Variants in LOC400499 observed in about 807,000 individuals in gnomAD.
chr16:11,384,721 G>T, the LOC400499 span, among the ~76,000 whole-genome samples: 1 of 152,220 alleles, frequency 6.6e-6, no homozygotes, highest in Admixed American at 6.5e-5. Flanking sequence ...GGGGTCAATG[G>T]CATGAGGCTA....
At chr16:11,431,250 G>A in the LOC400499 span, 4 of 399,030 alleles carry the variant, frequency 1.0e-5, no homozygotes, top group East Asian at 7.1e-5. Flanking sequence ...AAGTAAGGGG[G>A]TTAAGATCAT....
the LOC400499 span, among the ~76,000 whole-genome samples, chr16:11,490,767 T>C: frequency 9.8e-5 from 15 of 152,320 alleles, no homozygotes; most frequent in South Asian, 2.1e-4. Flanking sequence ...TGAGAGGCTA[T>C]TGTTAAGGAG....
At chr16:11,388,377 A>T in the LOC400499 span, among the ~76,000 whole-genome samples, 1 of 152,152 alleles carries the variant, frequency 6.6e-6, no homozygotes, top group African/African-American at 2.4e-5. Context: ...TTTCCCCATG[A>T]TGTGGGTTTA....
At chr16:11,408,668 G>T in the LOC400499 span, among the ~76,000 whole-genome samples, 2 of 151,834 alleles carry the variant, frequency 1.3e-5, no homozygotes, top group Admixed American at 6.6e-5. Flanking sequence ...GTCTCCCTAG[G>T]TTGCAGGCTG....
the LOC400499 span, among the ~76,000 whole-genome samples, chr16:11,413,179 G>A: frequency 6.6e-6 from 1 of 152,196 alleles, no homozygotes; most frequent in South Asian, 2.1e-4. Context: ...TCAAAGGACA[G>A]CTGCAGCCCA....
At chr16:11,498,133 A>G in the LOC400499 span, among the ~76,000 whole-genome samples, 2 of 152,150 alleles carry the variant, frequency 1.3e-5, no homozygotes, top group Admixed American at 6.5e-5. Context: ...ACCAGCTACA[A>G]AGCATCAAGA....
At chr16:11,514,521 G>A in the LOC400499 span, 2 of 399,858 alleles carry the variant, frequency 5.0e-6, no homozygotes, top group Non-Finnish European at 8.8e-6. Flanking sequence ...ACGCAGGTCA[G>A]GCGGGAGGTC....
the LOC400499 span, among the ~76,000 whole-genome samples, chr16:11,388,665 G>A: frequency 6.6e-6 from 1 of 152,140 alleles, no homozygotes; most frequent in African/African-American, 2.4e-5. Context: ...GTGAAAGGGC[G>A]ATCACATCCT....
At chr16:11,504,818 G>C in the LOC400499 span, among the ~76,000 whole-genome samples, 1 of 152,146 alleles carries the variant, frequency 6.6e-6, no homozygotes. Flanking sequence ...AGCTATTCAA[G>C]AGGCTGAGAC....
the LOC400499 span, among the ~76,000 whole-genome samples, chr16:11,513,336 G>T: frequency 2.0e-4 from 29 of 147,510 alleles, no homozygotes; most frequent in East Asian, 5.7e-3. Flanking sequence ...GCCTGGGGAG[G>T]TTGAGACTAC....
the LOC400499 span, among the ~76,000 whole-genome samples, chr16:11,497,194 A>AGT: frequency 6.6e-6 from 1 of 151,908 alleles, no homozygotes; most frequent in South Asian, 2.1e-4. Flanking sequence ...TGCCTGCTTC[A>AGT]GTGTGTGTGG....
At chr16:11,385,745 G>T in the LOC400499 span, among the ~76,000 whole-genome samples, 3,920 of 152,348 alleles carry the variant, frequency 0.026, 177 homozygotes, top group African/African-American at 0.089. Context: ...TCCAGAGCAG[G>T]CACAGCCATG....
chr16:11,521,886 G>A, the LOC400499 span: 1 of 398,754 alleles, frequency 2.5e-6, no homozygotes, highest in East Asian at 3.6e-5. Context: ...GGAGGTAAGG[G>A]GCTGTGGCTT....
At chr16:11,406,493 C>T in the LOC400499 span, among the ~76,000 whole-genome samples, 86 of 152,326 alleles carry the variant, frequency 5.6e-4, no homozygotes, top group African/African-American at 2.0e-3. Flanking sequence ...AGTGCAACGG[C>T]GCAATCTCGG....
chr16:11,496,009 T>C, the LOC400499 span, among the ~76,000 whole-genome samples: 1 of 151,580 alleles, frequency 6.6e-6, no homozygotes, highest in African/African-American at 2.4e-5. Flanking sequence ...CCCACGTCAC[T>C]CCAGAACAGG....
chr16:11,511,037 G>A, the LOC400499 span, among the ~76,000 whole-genome samples: 9 of 149,644 alleles, frequency 6.0e-5, no homozygotes, highest in Non-Finnish European at 7.4e-5. Flanking sequence ...TCACTCTGTC[G>A]CCAGGCTGGA....
At chr16:11,414,594 A>T in the LOC400499 span, 1 of 399,212 alleles carries the variant, frequency 2.5e-6, no homozygotes, top group Admixed American at 4.4e-5. Context: ...ATGAGAGGCC[A>T]TGCCCTGTGG....
the LOC400499 span, among the ~76,000 whole-genome samples, chr16:11,514,965 T>G: frequency 2.0e-5 from 3 of 151,968 alleles, no homozygotes; most frequent in African/African-American, 7.3e-5. Context: ...ACAAAGCACT[T>G]GCCTCTTCAG....
chr16:11,452,670 T>C, the LOC400499 span, among the ~76,000 whole-genome samples: 1 of 152,162 alleles, frequency 6.6e-6, no homozygotes, highest in Non-Finnish European at 1.5e-5. Flanking sequence ...GTAGAGTCTT[T>C]CCATGAGGAC....
Sources: allele counts gnomAD v4.1 joint callset (sites outside exome capture counted in the v4.1 genomes callset), GRCh38; gene constraint gnomAD v4.1.1; transcripts MANE v1.5.